The following FRYL variants were observed in gnomAD, a reference collection of about 807,000 sequenced individuals.
FRYL encodes the protein protein furry homolog-like.
In FRYL, 150 loss-of-function variants were observed where a neutral mutation model predicts 351.2. The observed-to-expected ratio is 0.43, with a 90% CI of 0.37 to 0.49. The LOEUF is 0.49. Among genes scored for constraint, FRYL ranks in the 20% least tolerant of loss-of-function variants. The probability of loss-of-function intolerance (pLI) is 0.00; values close to 1 mark genes in which losing one functional copy is unlikely to be tolerated. For missense variants in FRYL, 3,036 were observed against 3,619.3 expected (o/e 0.84, Z 4.13); for synonymous variants, 1,153 against 1,257.1 (o/e 0.92, Z 1.75).
In FRYL at chr4:48,565,752, C is replaced by A. The variant is rs1405851314; in HGVS notation, c.3170-61G>T. Reference sequence around the variant, plus strand: ...ATTTCTTTTTGCTTTAACTTTTATACCAACATGTTATTGAATGTGTAATAG... The same window carrying A: ...ATTTCTTTTTGCTTTAACTTTTATAACAACATGTTATTGAATGTGTAATAG... On this transcript the variant is annotated intron_variant, in intron 28 of 63. Coordinates refer to ENST00000358350, the MANE Select transcript of FRYL (RefSeq NM_015030.2). 3 of 1,490,614 alleles carry A rather than the reference C, an allele frequency of 2.0e-6. No individual in the cohort carries two copies. In the African/African-American group the frequency reaches 4.2e-5, roughly 21 times the overall value. The allele number at this position is 1,490,614 out of a possible 1,614,324, so 92.3% of individuals were successfully genotyped here. A position where few individuals can be genotyped will look rare whatever the true frequency, so the allele number is the denominator to read the frequency against.
At chr4:48,585,152 G>C (rs1268309155) in intron 19 of FRYL, among the ~76,000 whole-genome samples, 9 of 152,166 alleles carry the variant, frequency 5.9e-5, no homozygotes, top group Non-Finnish European at 1.5e-5. Flanking sequence ...GAATTGAACA[G>C]TAGTTGTTTA....
chr4:48,504,162 A>T (rs1030103378), intron 60 of FRYL, among the ~76,000 whole-genome samples: 3 of 152,088 alleles, frequency 2.0e-5, no homozygotes, highest in African/African-American at 7.2e-5. Flanking sequence ...AGTATATTAA[A>T]ATTTGCACAT....
intron 4 of FRYL, among the ~76,000 whole-genome samples, chr4:48,628,412 T>C (rs939573138): frequency 2.7e-5 from 4 of 148,038 alleles, no homozygotes; most frequent in African/African-American, 7.5e-5. Context: ...GTATTTTATA[T>C]ATATCTCCCC....
intron 2 of FRYL, among the ~76,000 whole-genome samples, chr4:48,701,339 A>G (rs1307955069): frequency 1.3e-5 from 2 of 152,204 alleles, no homozygotes; most frequent in Admixed American, 1.3e-4. Flanking sequence ...CCCATTTCCA[A>G]TGTAATTTCA....
chr4:48,586,578 C>T, intron 19 of FRYL, 43 bp downstream of exon 19: 1 of 1,255,184 alleles, frequency 8.0e-7, no homozygotes, highest in African/African-American at 1.5e-5. Flanking sequence ...TATAAAGGAG[C>T]AGAAGACATA....
intron 5 of FRYL, among the ~76,000 whole-genome samples, chr4:48,621,301 T>C (rs1433324589): frequency 1.3e-5 from 2 of 152,212 alleles, no homozygotes; most frequent in Admixed American, 6.5e-5. Context: ...ATTAGCATGT[T>C]AGAAACATGT....
intron 27 of FRYL, 150 bp downstream of exon 27, chr4:48,570,677 A>G: frequency 3.6e-6 from 2 of 561,708 alleles, no homozygotes; most frequent in Non-Finnish European, 6.3e-6. Context: ...TATCGAATGC[A>G]TATTTATTTG....
intron 4 of FRYL, among the ~76,000 whole-genome samples, chr4:48,632,091 AATATATAT>A (rs1560753223): frequency 0.048 from 1,125 of 23,270 alleles, 30 homozygotes; most frequent in African/African-American, 0.081. Flanking sequence ...AAAAAAAAAA[AATATATAT>A]ATATATATAT....
chr4:48,696,862 ATC>A (rs1263560744), intron 2 of FRYL, among the ~76,000 whole-genome samples: 1 of 147,322 alleles, frequency 6.8e-6, no homozygotes, highest in East Asian at 1.9e-4. Flanking sequence ...CTATCTATCT[ATC>A]TATCTATCTA....
chr4:48,716,060 C>A (rs1768787271), intron 1 of FRYL, among the ~76,000 whole-genome samples: 1 of 152,190 alleles, frequency 6.6e-6, no homozygotes, highest in East Asian at 1.9e-4. Flanking sequence ...GCTGGGAAAA[C>A]TGGCTAGCCA....
Position 48,612,497 on chromosome 4 carries a change from CGTGTGT to C in FRYL, c.412-2680_412-2675del, listed in dbSNP as rs10657991. 6.3e-3 allele frequency among the ~76,000 whole-genome samples: 947 copies of C among 150,072 alleles called. 12 individuals carry two copies. Among genetic ancestry groups the C allele is most frequent in the African/African-American group, 0.02 (824 of 40,838 alleles). The stretch of plus-strand genomic sequence containing the variant: ...TGAAAATACTAAGACTGTGTGTGCA[CGTGTGT>C]GTGTGTGTGTGTGTGTGTGTGTGAC... On this transcript the variant is annotated intron_variant, in intron 7 of 63. Coordinates refer to ENST00000358350, the MANE Select transcript of FRYL (RefSeq NM_015030.2).
At chr4:48,564,472 G>T (rs1244808606) in intron 30 of FRYL, among the ~76,000 whole-genome samples, 1 of 152,140 alleles carries the variant, frequency 6.6e-6, no homozygotes, top group African/African-American at 2.4e-5. Context: ...AAACTGTTCT[G>T]AGGGGAAAAA....
At chr4:48,695,690 CAAACTAAAGAGCTTCTCTACATCAA>C (rs1192256674) in intron 2 of FRYL, among the ~76,000 whole-genome samples, 2 of 152,022 alleles carry the variant, frequency 1.3e-5, no homozygotes, top group Non-Finnish European at 2.9e-5. Context: ...GGGATCTAAT[CAAACTAAAGAGCTTCTCTACATCAA>C]AAGAAACTAC....
chr4:48,744,159 T>C (rs1772419612), intron 1 of FRYL, among the ~76,000 whole-genome samples: 1 of 151,138 alleles, frequency 6.6e-6, no homozygotes, highest in Non-Finnish European at 1.5e-5. Flanking sequence ...GGGAGGGGGG[T>C]GATTGCTAAT....
In FRYL at chr4:48,602,569, T is replaced by A. The variant is rs77198818; in HGVS notation, c.934-448A>T. Among the ~76,000 whole-genome samples the A allele has an allele frequency of 5.7e-3, 860 of 150,944 alleles. 5 individuals are homozygous for A. The highest frequency in any genetic ancestry group is 0.022 in the East Asian group (113 of 5,158). On this transcript the variant is annotated intron_variant, in intron 12 of 63. Coordinates refer to ENST00000358350, the MANE Select transcript of FRYL (RefSeq NM_015030.2). ...TCTTATAGGGTTGTGAAGCTTAAAG[T>A]AAGAAAAAAAAAAGTACAAAGTACT...
At chr4:48,514,855 T>C (rs1723232106) in intron 56 of FRYL, among the ~76,000 whole-genome samples, 173 bp downstream of exon 56, 2 of 152,238 alleles carry the variant, frequency 1.3e-5, no homozygotes, top group African/African-American at 4.8e-5. Flanking sequence ...TCAGGCATTT[T>C]ATTTTTAAAA....
intron 10 of FRYL, 71 bp downstream of exon 10, chr4:48,606,364 TTTC>T: frequency 1.1e-6 from 1 of 931,506 alleles, no homozygotes. Flanking sequence ...GTGTATTTTG[TTTC>T]TTTTAAAAAG....
chr4:48,581,673 T>TA, intron 20 of FRYL, 68 bp from the exon 21 acceptor site: 2 of 1,321,486 alleles, frequency 1.5e-6, no homozygotes, highest in Non-Finnish European at 1.0e-6. Context: ...AAACAGTTAA[T>TA]AAAAAATAAA....
intron 1 of FRYL, among the ~76,000 whole-genome samples, chr4:48,732,930 T>TAA (rs35830833): frequency 1.9e-3 from 273 of 142,574 alleles, no homozygotes; most frequent in East Asian, 0.013. Flanking sequence ...ATAACAATAT[T>TAA]AAAAAAAAAA....
Sources: gnomAD v4.1 joint callset for allele counts (sites outside exome capture counted in the v4.1 genomes callset) on GRCh38, gnomAD v4.1.1 for gene constraint, MANE v1.5 for transcripts, NCBI Gene and HGNC (gene_info 2026-07-23, HGNC 2026-07-21) for gene names.